Variants in GRK5 observed in about 807,000 individuals in gnomAD.
The protein encoded by GRK5 is g protein-coupled receptor kinase GRK5.
GRK5 carries 40 observed loss-of-function variants against 78.4 expected under a neutral mutation model. The observed-to-expected ratio is 0.51, with a 90% confidence interval of 0.40 to 0.66. The LOEUF (loss-of-function observed/expected upper bound fraction) is 0.66, where lower values mean the gene tolerates loss of function less well. GRK5 is among the 30% of genes least tolerant of loss of function. GRK5 has a pLI of 0.00. For missense variants in GRK5, 598 were observed against 759.9 expected (o/e 0.79, Z 2.50); for synonymous variants, 289 against 296.8 (o/e 0.97, Z 0.27).
At chr10:119,394,294 C>CCGTGTATCTATG (rs1564916955) in intron 3 of GRK5, among the ~76,000 whole-genome samples, 4 of 4,030 alleles carry the variant, frequency 9.9e-4, no homozygotes, top group Non-Finnish European at 1.5e-3. Flanking sequence ...GGGTGTGTAT[C>CCGTGTATCTATG]TGTGTGTCTG....
intron 1 of GRK5, among the ~76,000 whole-genome samples, chr10:119,308,102 G>A (rs1262683189): frequency 6.6e-6 from 1 of 152,106 alleles, no homozygotes; most frequent in East Asian, 1.9e-4. Context: ...TGCCCAGTGC[G>A]CCTTTGTAGG....
intron 1 of GRK5, among the ~76,000 whole-genome samples, chr10:119,261,038 A>ACC (rs59081445): frequency 3.2e-4 from 2 of 6,330 alleles, no homozygotes; most frequent in Non-Finnish European, 7.9e-4. Context: ...CAGGGGGCTG[A>ACC]CCCCCCCACC....
At chr10:119,424,431 C>A (rs1488808917) in intron 5 of GRK5, among the ~76,000 whole-genome samples, 1 of 152,192 alleles carries the variant, frequency 6.6e-6, no homozygotes, top group Non-Finnish European at 1.5e-5. Flanking sequence ...CTCGGCCTGG[C>A]ACCTGGCCCA....
Position 119,253,651 on chromosome 10 carries a change from CT to C in GRK5, c.52+45688del, listed in dbSNP as rs1849237090. 6.6e-6 allele frequency among the ~76,000 whole-genome samples: 1 copy of C among 152,194 alleles called. No homozygotes were observed. Among genetic ancestry groups the C allele is most frequent in the African/African-American group, 2.4e-5 (1 of 41,450 alleles). The stretch of plus-strand genomic sequence containing the variant: ...ATAAAAATGGTGTGAGTGGCCAGCT[CT>C]TTTTTCACTGTGGCTCTGGGCAGCC... On this transcript the variant is annotated intron_variant, in intron 1 of 15. Transcript: ENST00000392870. This position sits in a 1 kb window ranked among gnomAD's most constrained non-coding sequence, Gnocchi z 5.7.
At chr10:119,333,813 G>A (rs766086955) in intron 2 of GRK5, 4 of 533,006 alleles carry the variant, frequency 7.5e-6, no homozygotes, top group South Asian at 5.6e-5. Flanking sequence ...CCACCAAGGA[G>A]CATGGGAGAC....
At chr10:119,419,485 AAG>A (rs1476333945) in intron 4 of GRK5, among the ~76,000 whole-genome samples, 1 of 152,210 alleles carries the variant, frequency 6.6e-6, no homozygotes, top group Admixed American at 6.5e-5. Flanking sequence ...CTTACTGGCA[AAG>A]GTGTCACTCC....
chr10:119,412,717 A>C lies in GRK5; in HGVS notation c.340-10449A>C, dbSNP rs1007013590. Among the ~76,000 whole-genome samples, 1 of 152,170 alleles carries C rather than the reference A, an allele frequency of 6.6e-6. No homozygotes were observed. The highest frequency in any genetic ancestry group is 1.5e-5 in the Non-Finnish European group (1 of 68,022). ...TTTCTTCCTGTCAGCCAGGCCTTAA[A>C]TCAACCCTCAAGTGAGGAAATGCTC... On this transcript the variant is annotated intron_variant, in intron 4 of 15. Transcript: ENST00000392870. The surrounding 1 kb of genome is among the most constrained non-coding windows in gnomAD (Gnocchi z 4.3).
intron 2 of GRK5, among the ~76,000 whole-genome samples, chr10:119,329,321 C>T (rs74157660): frequency 0.013 from 1,961 of 152,256 alleles, 42 homozygotes; most frequent in African/African-American, 0.045. Flanking sequence ...CCGCTAAGGA[C>T]AGTCAAAAAC....
intron 4 of GRK5, among the ~76,000 whole-genome samples, chr10:119,413,140 C>A (rs1320189980): frequency 6.6e-6 from 1 of 152,072 alleles, no homozygotes; most frequent in Non-Finnish European, 1.5e-5. Context: ...AACCATGAGA[C>A]CGACACGGCG....
chr10:119,418,048 G>A (rs1852497700), intron 4 of GRK5, among the ~76,000 whole-genome samples: 1 of 152,292 alleles, frequency 6.6e-6, no homozygotes, highest in South Asian at 2.1e-4. Context: ...GTCATCGGGG[G>A]TCCCGAGGGG....
At chr10:119,355,595 A>G (rs1274702406) in intron 2 of GRK5, among the ~76,000 whole-genome samples, 2 of 152,236 alleles carry the variant, frequency 1.3e-5, no homozygotes, top group Admixed American at 6.5e-5. Context: ...CCTGACCAAC[A>G]TGGCGAAACC....
chr10:119,230,080 T>C (rs1848800378), intron 1 of GRK5, among the ~76,000 whole-genome samples: 1 of 152,118 alleles, frequency 6.6e-6, no homozygotes, highest in South Asian at 2.1e-4. Context: ...CCCATTTTTC[T>C]GGAGCCTGGA....
At chr10:119,389,857 G>C (rs946427260) in intron 3 of GRK5, among the ~76,000 whole-genome samples, 43 of 151,918 alleles carry the variant, frequency 2.8e-4, no homozygotes, top group African/African-American at 1.0e-3. Context: ...AGATCATGGG[G>C]GCTACAGAAG....
At chr10:119,432,672 G>C (rs970414561) in intron 8 of GRK5, among the ~76,000 whole-genome samples, 1 of 151,956 alleles carries the variant, frequency 6.6e-6, no homozygotes, top group Non-Finnish European at 1.5e-5. Flanking sequence ...TCTCCATCCA[G>C]ACCTCTAGTC....
Position 119,320,939 on chromosome 10 carries a change from A to C in GRK5, c.53-5577A>C, listed in dbSNP as rs550122025. Reference sequence around the variant, plus strand: ...GCCGTAGGGCCAGGTCACAGGAGGAATTTTTACAGTGGCATGGCTGGGCCC... The same window carrying C: ...GCCGTAGGGCCAGGTCACAGGAGGACTTTTTACAGTGGCATGGCTGGGCCC... On this transcript the variant is annotated intron_variant, in intron 1 of 15. Transcript: ENST00000392870. Among the ~76,000 whole-genome samples, 12 of 152,350 alleles carry C rather than the reference A, an allele frequency of 7.9e-5. No homozygotes were observed. The South Asian group carries it at 2.3e-3, about 29-fold the overall frequency.
At chr10:119,277,269 C>G (rs2133683737) in intron 1 of GRK5, among the ~76,000 whole-genome samples, 1 of 152,248 alleles carries the variant, frequency 6.6e-6, no homozygotes, top group Non-Finnish European at 1.5e-5. Flanking sequence ...GTGGAGGCAC[C>G]CAACACCTGG....
intron 2 of GRK5, among the ~76,000 whole-genome samples, chr10:119,367,751 A>G (rs1052961480): frequency 2.0e-5 from 3 of 152,210 alleles, no homozygotes; most frequent in Admixed American, 6.5e-5. Context: ...CTGTGAGTGC[A>G]CACGCCAGGG....
intron 2 of GRK5, among the ~76,000 whole-genome samples, chr10:119,362,781 G>A (rs1354548424): frequency 6.6e-6 from 1 of 152,178 alleles, no homozygotes; most frequent in Admixed American, 6.5e-5. Flanking sequence ...AGATCAGGTG[G>A]GTACATTGTG....
intron 12 of GRK5, 133 bp downstream of exon 12, chr10:119,443,885 C>T: frequency 5.2e-6 from 4 of 764,332 alleles, no homozygotes; most frequent in Non-Finnish European, 8.3e-6. Context: ...GGTTGCAGCC[C>T]ACCAAGCTAG....
Sources: gnomAD v4.1 joint callset for allele counts (sites outside exome capture counted in the v4.1 genomes callset) on GRCh38, gnomAD v4.1.1 for gene constraint, Gnocchi (gnomAD v3.1) non-coding constraint, MANE v1.5 for transcripts, NCBI Gene and HGNC (gene_info 2026-07-23, HGNC 2026-07-21) for gene names.